Variants in OPRK1 observed in about 807,000 individuals in gnomAD.
The protein encoded by OPRK1 is kappa-type opioid receptor.
Under a neutral mutation model 24.5 loss-of-function variants are expected in OPRK1, and 15 were observed. The observed-to-expected ratio is 0.61, with a 90% CI of 0.41 to 0.94. The LOEUF is 0.94. Among genes scored for constraint, OPRK1 ranks in the 40% least tolerant of loss-of-function variants. The pLI is 0.00. For missense variants in OPRK1, 479 were observed against 507.3 expected (o/e 0.94, Z 0.54); for synonymous variants, 205 against 198.0 (o/e 1.04, Z -0.30).
chr8:53,240,798 T>C (rs1807094883), intron 2 of OPRK1, among the ~76,000 whole-genome samples: 1 of 152,126 alleles, frequency 6.6e-6, no homozygotes, highest in Admixed American at 6.5e-5. Context: ...GTATTGCTTA[T>C]CTTGAAATTT....
Position 53,235,037 on chromosome 8 carries a change from G to A in OPRK1, c.332C>T (p.Thr111Ile), listed in dbSNP as rs1452068387. Residue 111 changes from threonine to isoleucine, a missense_variant, in exon 3 of 4, where the codon ACC (threonine) becomes ATC (isoleucine). Transcript: ENST00000265572. ...LALADALVTT[T>I]MPFQSTVYLM... The stretch of plus-strand genomic sequence containing the variant: ...GTAGACCGTACTCTGAAAGGGCATG[G>A]TTGTAGTAACTAAAGCATCTGCCAA... The A allele has an allele frequency of 6.2e-7, 1 of 1,614,232 alleles. No homozygotes were observed. Among genetic ancestry groups the A allele is most frequent in the Non-Finnish European group, 8.5e-7 (1 of 1,180,036 alleles).
At position 53,250,782 on chromosome 8, in the gene OPRK1, G is replaced by C. The variant is rs1807361746; in HGVS notation, c.256C>G (p.Arg86Gly). Residue 86 changes from arginine to glycine, a missense_variant and splice_region_variant, in exon 2 of 4, where the codon CGA becomes GGA. Physicochemically the swap from Arg to Gly is moderately radical, Grantham distance 125. Transcript: ENST00000265572. ...GNSLVMFVII[R>G]YTKMKTATNI... ...GCGCTGCGCTGTCCCCGCGCTCACC[G>C]GATGATCACGAACATGACCAGCGAG... is the stretch of plus-strand genomic sequence containing the variant. 2 of 1,604,006 alleles carry C rather than the reference G, an allele frequency of 1.2e-6. No homozygotes were observed. Among genetic ancestry groups the C allele is most frequent in the Non-Finnish European group, 8.5e-7 (1 of 1,174,760 alleles).
chr8:53,241,880 G>T (rs1318333764), intron 2 of OPRK1, among the ~76,000 whole-genome samples: 1 of 152,210 alleles, frequency 6.6e-6, no homozygotes, highest in East Asian at 1.9e-4. Context: ...GATTCCGCGG[G>T]AACAGCCAGT....
intron 2 of OPRK1, among the ~76,000 whole-genome samples, chr8:53,238,070 C>CTACT (rs1389632399): frequency 1.3e-5 from 2 of 152,210 alleles, no homozygotes. Context: ...CTACACTGGA[C>CTACT]TACTCTGTGA....
At position 53,230,104 on chromosome 8, in the gene OPRK1, A is replaced by G. The variant is rs115268500; in HGVS notation, c.611-275T>C. Among the ~76,000 whole-genome samples the G allele has an allele frequency of 4.9e-3, 749 of 151,748 alleles. 7 individuals are homozygous for G. The highest frequency in any genetic ancestry group is 0.018 in the African/African-American group (728 of 41,338). ...GATTAGCTGACAATCTTGCTCATCT[A>G]GTTGCAGAAGTTGGTTTGACACTGA... On this transcript the variant is annotated intron_variant, in intron 3 of 3. Coordinates refer to ENST00000265572, the MANE Select transcript of OPRK1 (RefSeq NM_000912.5).
At chr8:53,229,926 G>T in intron 3 of OPRK1, 97 bp from the exon 4 acceptor site, 1 of 1,104,170 alleles carries the variant, frequency 9.1e-7, no homozygotes, top group Non-Finnish European at 1.3e-6. Flanking sequence ...ACCTTTTATT[G>T]CAATGGTCCA....
At chr8:53,248,427 T>C (rs1280048354) in intron 2 of OPRK1, among the ~76,000 whole-genome samples, 1 of 152,146 alleles carries the variant, frequency 6.6e-6, no homozygotes, top group Non-Finnish European at 1.5e-5. Context: ...ACATATAAAA[T>C]AGTATCCTTC....
intron 2 of OPRK1, among the ~76,000 whole-genome samples, chr8:53,243,638 G>T (rs1392976598): frequency 1.3e-5 from 2 of 152,062 alleles, no homozygotes; most frequent in Non-Finnish European, 2.9e-5. Flanking sequence ...AAATAATTTG[G>T]CTAATCCACA....
chr8:53,235,178 G>C, intron 2 of OPRK1, 67 bp from the exon 3 acceptor site: 1 of 1,356,638 alleles, frequency 7.4e-7, no homozygotes, highest in Non-Finnish European at 1.0e-6. Flanking sequence ...GAATGTGTTT[G>C]TGATAGCCTT....
At chr8:53,248,462 C>G (rs1468725958) in intron 2 of OPRK1, among the ~76,000 whole-genome samples, 1 of 152,186 alleles carries the variant, frequency 6.6e-6, no homozygotes, top group Non-Finnish European at 1.5e-5. Context: ...GCTACTCAGT[C>G]TCTTCAGTAA....
chr8:53,231,853 GCTGCTGTTTAATTCGGATAGAC>G (rs1157543272), intron 3 of OPRK1, among the ~76,000 whole-genome samples: 1 of 152,206 alleles, frequency 6.6e-6, no homozygotes, highest in Non-Finnish European at 1.5e-5. Flanking sequence ...GCCGCACAGG[GCTGCTGTTTAATTCGGATAGAC>G]CTTTAACTCC....
intron 2 of OPRK1, among the ~76,000 whole-genome samples, chr8:53,249,696 G>A (rs1031199721): frequency 6.6e-6 from 1 of 152,146 alleles, no homozygotes; most frequent in Non-Finnish European, 1.5e-5. Flanking sequence ...AAACATTTAT[G>A]CTACCATTCA....
rs542612524 is a variant in OPRK1, at chr8:53,251,594, C to A, written c.-195G>T. On this transcript the variant is annotated 5_prime_UTR_variant, in exon 1 of 4. Transcript: ENST00000265572. ...GCTCTCCGCCCGAGGGCTGCTGTTC[C>A]GCCGAGCGCAGCCCCCGCCTCTCAG... 1 of 151,886 alleles carries A rather than the reference C, an allele frequency of 6.6e-6. No homozygotes were observed. Among genetic ancestry groups the A allele is most frequent in the South Asian group, 2.1e-4 (1 of 4,828 alleles). 9.4% of individuals were successfully genotyped at this position (151,886 alleles called of 1,614,324 possible).
intron 2 of OPRK1, among the ~76,000 whole-genome samples, chr8:53,241,733 G>GC (rs150684173): frequency 0.13 from 19,557 of 152,182 alleles, 1,504 homozygotes; most frequent in African/African-American, 0.22. Flanking sequence ...TCACTCTCCT[G>GC]GTGCAAAGCG....
At chr8:53,247,258 G>C (rs946538747) in intron 2 of OPRK1, among the ~76,000 whole-genome samples, 6 of 152,156 alleles carry the variant, frequency 3.9e-5, no homozygotes, top group African/African-American at 1.4e-4. Flanking sequence ...GGAGTGGTAT[G>C]GTGGGAAATG....
intron 2 of OPRK1, among the ~76,000 whole-genome samples, chr8:53,240,618 A>G (rs1300456811): frequency 6.6e-6 from 1 of 151,964 alleles, no homozygotes; most frequent in African/African-American, 2.4e-5. Flanking sequence ...GCCAACAAGC[A>G]TTTTCCTGGG....
Position 53,234,904 on chromosome 8 carries a change from G to A in OPRK1, c.465C>T (p.Asp155=). 1 of 1,614,144 alleles carries A rather than the reference G, an allele frequency of 6.2e-7. No homozygotes were observed. The highest frequency in any genetic ancestry group is 1.1e-5 in the South Asian group (1 of 91,074). ...SIFTLTMMSV[D]RYIAVCHPVK... ...CGGGGTGGCACACGGCAATGTAGCG[G>A]TCCACGCTCATCATGGTCAAGGTGA... The change falls in exon 3 of 4, where the codon GAC becomes GAT. Residue 155 remains aspartate (D), a synonymous_variant. Transcript: ENST00000265572.
Position 53,251,007 on chromosome 8 carries a change from C to T in OPRK1, c.31G>A (p.Glu11Lys). The T allele has an allele frequency of 3.2e-6, 5 of 1,572,800 alleles. No individual in the cohort carries two copies. The highest frequency in any genetic ancestry group is 4.3e-6 in the Non-Finnish European group (5 of 1,162,472). Residue 11 changes from glutamate to lysine, a missense_variant, in exon 2 of 4, where the codon GAG (glutamate) becomes AAG (lysine). Coordinates refer to ENST00000265572, the MANE Select transcript of OPRK1 (RefSeq NM_000912.5). Reference protein sequence around the residue: MDSPIQIFRGEPGPTCAPSAC... With the variant: MDSPIQIFRGKPGPTCAPSAC... Reference sequence around the variant, plus strand: ...CTCGGGGCGCAGGTAGGGCCCGGCTCCCCGCGGAAGATCTGGATCGGGGAG... The same window carrying T: ...CTCGGGGCGCAGGTAGGGCCCGGCTTCCCGCGGAAGATCTGGATCGGGGAG...
rs1237129232 is a variant in OPRK1 at position 53,250,690 on chromosome 8, C to T, written c.257+91G>A. The T allele has an allele frequency of 3.0e-6, 4 of 1,353,424 alleles. No individual in the cohort carries two copies. In the African/African-American group the frequency reaches 6.0e-5, roughly 20 times the overall value. The allele number at this position is 1,353,424 out of a possible 1,614,324, so 83.8% of individuals were successfully genotyped here. On this transcript the variant is annotated intron_variant, in intron 2 of 3. Coordinates refer to ENST00000265572, the MANE Select transcript of OPRK1 (RefSeq NM_000912.5). ...ACGGAACAGAGTCCCCACCACCTGG[C>T]TGGCTGCCCCCACTGCTGCTCCAGT... is the stretch of plus-strand genomic sequence containing the variant.
Sources: gnomAD v4.1 joint callset for allele counts (sites outside exome capture counted in the v4.1 genomes callset) on GRCh38, gnomAD v4.1.1 for gene constraint, MANE v1.5 for transcripts, NCBI Gene and HGNC (gene_info 2026-07-23, HGNC 2026-07-21) for gene names.